LINGO2: variants seen among roughly 807,000 people sequenced by gnomAD.
The protein encoded by LINGO2 is leucine rich repeat and Ig domain containing 2, also known as leucine-rich repeat and immunoglobulin-like domain-containing nogo receptor-interacting protein 2.
LINGO2 carries 14 observed loss-of-function variants against 30.6 expected under a neutral mutation model. The observed-to-expected ratio is 0.46, with a 90% confidence interval of 0.30 to 0.72. The LOEUF (loss-of-function observed/expected upper bound fraction) is 0.72. Ranked by LOEUF, LINGO2 falls within the 30% of genes least tolerant of loss-of-function variation. The pLI, the probability that LINGO2 is intolerant of heterozygous loss-of-function variation, is 0.07. For synonymous variants in LINGO2, 317 were observed against 288.5 expected, an observed-to-expected ratio of 1.10 and a Z score of -1.00; for missense variants, 729 against 751.7, an observed-to-expected ratio of 0.97 and a Z score of 0.35.
the LINGO2 span, among the ~76,000 whole-genome samples, chr9:29,192,258 G>C: frequency 7.2e-5 from 11 of 151,974 alleles, no homozygotes; most frequent in African/African-American, 2.7e-4. Context: ...CTTGTTTTAG[G>C]GCCTGTTCTA....
chr9:28,900,909 A>C, the LINGO2 span, among the ~76,000 whole-genome samples: 1 of 152,190 alleles, frequency 6.6e-6, no homozygotes, highest in Non-Finnish European at 1.5e-5. Context: ...GAAACAATTC[A>C]AGGAAAATAA....
intron 1 of LINGO2, among the ~76,000 whole-genome samples, chr9:28,498,007 G>A (rs142877070): frequency 0.022 from 3,274 of 152,208 alleles, 105 homozygotes; most frequent in East Asian, 0.097. Context: ...CTGCCTGATC[G>A]TTCCTCTGGA....
At chr9:28,505,613 AG>A (rs972775524) in intron 1 of LINGO2, among the ~76,000 whole-genome samples, 1 of 151,954 alleles carries the variant, frequency 6.6e-6, no homozygotes, top group African/African-American at 2.4e-5. Context: ...ATAGAAACAG[AG>A]GGCTTTTTGT....
At chr9:28,265,136 A>G (rs1237984202) in intron 4 of LINGO2, among the ~76,000 whole-genome samples, 2 of 151,532 alleles carry the variant, frequency 1.3e-5, no homozygotes, top group Non-Finnish European at 2.9e-5. Context: ...CTTAAAACAA[A>G]TATCTTCATA....
intron 2 of LINGO2, among the ~76,000 whole-genome samples, chr9:28,395,487 G>T (rs920059902): frequency 1.3e-5 from 2 of 151,842 alleles, no homozygotes; most frequent in African/African-American, 4.8e-5. Context: ...TTTCAACTAT[G>T]ATATTGAAGC....
chr9:28,597,528 T>C (rs944054877), intron 1 of LINGO2, among the ~76,000 whole-genome samples: 2 of 152,106 alleles, frequency 1.3e-5, no homozygotes, highest in African/African-American at 4.8e-5. Context: ...AAAGCAACAC[T>C]AGTAACAGTA....
the LINGO2 span, among the ~76,000 whole-genome samples, chr9:28,963,522 A>G: frequency 6.9e-6 from 1 of 144,680 alleles, no homozygotes; most frequent in East Asian, 2.1e-4. Context: ...ATGGATGAAT[A>G]AAGCAAATGT....
chr9:28,007,548 T>A (rs568772551), intron 5 of LINGO2, among the ~76,000 whole-genome samples: 1 of 152,316 alleles, frequency 6.6e-6, no homozygotes, highest in South Asian at 2.1e-4. Flanking sequence ...AAAATGGCTC[T>A]ATTGATAATT....
chr9:28,497,024 A>T (rs993292791), intron 1 of LINGO2, among the ~76,000 whole-genome samples: 2 of 152,214 alleles, frequency 1.3e-5, no homozygotes, highest in African/African-American at 4.8e-5. Flanking sequence ...CTGCCAAGAG[A>T]TCCGCAGCTA....
the LINGO2 span, among the ~76,000 whole-genome samples, chr9:29,070,749 A>C: frequency 1.6e-4 from 24 of 151,962 alleles, no homozygotes; most frequent in Middle Eastern, 3.4e-3. Flanking sequence ...TTCCAAAAAA[A>C]AAAAGAACCT....
chr9:28,762,870 G>A, the LINGO2 span, among the ~76,000 whole-genome samples: 3 of 151,944 alleles, frequency 2.0e-5, no homozygotes, highest in Admixed American at 1.3e-4. Context: ...ACTACAGGAA[G>A]GAAGAAAGGA....
chr9:28,126,702 A>G (rs1360123357), intron 4 of LINGO2, among the ~76,000 whole-genome samples: 1 of 152,254 alleles, frequency 6.6e-6, no homozygotes, highest in Non-Finnish European at 1.5e-5. Flanking sequence ...TTAACAAGCC[A>G]GAGACACAAC....
intron 2 of LINGO2, among the ~76,000 whole-genome samples, chr9:28,394,983 G>A (rs1821981194): frequency 6.6e-6 from 1 of 152,190 alleles, no homozygotes; most frequent in Non-Finnish European, 1.5e-5. Flanking sequence ...CATTTGGCAT[G>A]AGGCCATTGC....
chr9:28,111,846 C>T (rs1305986415), intron 4 of LINGO2, among the ~76,000 whole-genome samples: 1 of 152,002 alleles, frequency 6.6e-6, no homozygotes, highest in Non-Finnish European at 1.5e-5. Context: ...GGAGCACTCA[C>T]TATATATGAA....
At chr9:28,134,290 ATAAGAACATGGTTG>A (rs1827454494) in intron 4 of LINGO2, among the ~76,000 whole-genome samples, 1 of 152,226 alleles carries the variant, frequency 6.6e-6, no homozygotes, top group Non-Finnish European at 1.5e-5. Context: ...AAAGAAATCA[ATAAGAACATGGTTG>A]TAGTTCTTTT....
At chr9:27,963,722 T>C (rs1379694212) in intron 5 of LINGO2, among the ~76,000 whole-genome samples, 1 of 143,374 alleles carries the variant, frequency 7.0e-6, no homozygotes, top group Non-Finnish European at 1.5e-5. Context: ...GGGTGAAGAG[T>C]GGGTTGAGGT....
chr9:28,201,810 C>G (rs957500845), intron 4 of LINGO2, among the ~76,000 whole-genome samples: 6 of 151,996 alleles, frequency 3.9e-5, no homozygotes, highest in African/African-American at 1.5e-4. Flanking sequence ...CTTTCTCCTC[C>G]CCTTCCTCCT....
Position 28,389,805 on chromosome 9 carries a change from G to A in LINGO2, c.-278-16937C>T, listed in dbSNP as rs74664466. Among the ~76,000 whole-genome samples the A allele has an allele frequency of 1.8e-3, 276 of 152,276 alleles. 8 individuals are homozygous for A. The East Asian group carries it at 0.042, about 23-fold the overall frequency. On this transcript the variant is annotated intron_variant, in intron 2 of 5. Coordinates refer to ENST00000379992, the Ensembl canonical transcript of LINGO2. Reference sequence around the variant, plus strand: ...ACATCTAGAGTTGTATTATGTAGTTGAATAATATTTTTACTTTGAATTACC... The same window carrying A: ...ACATCTAGAGTTGTATTATGTAGTTAAATAATATTTTTACTTTGAATTACC...
At chr9:28,511,070 C>T (rs991547359) in intron 1 of LINGO2, among the ~76,000 whole-genome samples, 21 of 151,920 alleles carry the variant, frequency 1.4e-4, no homozygotes, top group African/African-American at 2.4e-4. Flanking sequence ...CCCAGCCCAC[C>T]GATTCAAATG....
Sources: gnomAD v4.1 joint callset for allele counts (sites outside exome capture counted in the v4.1 genomes callset) on GRCh38, gnomAD v4.1.1 for gene constraint, MANE v1.5 for transcripts, NCBI Gene and HGNC (gene_info 2026-07-23, HGNC 2026-07-21) for gene names.